The following PRKAR1B variants were observed in gnomAD, a reference collection of about 807,000 sequenced individuals.
PRKAR1B encodes the protein protein kinase cAMP-dependent type I regulatory subunit beta.
A neutral mutation model predicts 46.5 loss-of-function variants in PRKAR1B; 22 were observed. That is an observed-to-expected ratio of 0.47 (90% confidence interval 0.34 to 0.68). The LOEUF (loss-of-function observed/expected upper bound fraction) is 0.68, where lower values mean the gene tolerates loss of function less well. PRKAR1B is among the 30% of genes least tolerant of loss of function. PRKAR1B has a pLI of 0.01. For missense variants in PRKAR1B, 445 were observed against 535.6 expected, an observed-to-expected ratio of 0.83 and a Z score of 1.67; for synonymous variants, 259 against 217.7, an observed-to-expected ratio of 1.19 and a Z score of -1.67.
At chr7:607,134 G>A (rs1049456418) in intron 5 of PRKAR1B, among the ~76,000 whole-genome samples, 3 of 151,892 alleles carry the variant, frequency 2.0e-5, no homozygotes, top group African/African-American at 7.3e-5. Flanking sequence ...CTCTGGAGCA[G>A]CTGGGATTAC....
chr7:632,567 C>T (rs986972319), intron 4 of PRKAR1B, among the ~76,000 whole-genome samples: 1 of 152,218 alleles, frequency 6.6e-6, no homozygotes. Context: ...TCCCTTGTTC[C>T]GAGCACACTG....
chr7:554,458 G>A (rs149920448), intron 9 of PRKAR1B, among the ~76,000 whole-genome samples: 6 of 152,352 alleles, frequency 3.9e-5, no homozygotes, highest in East Asian at 3.9e-4. Context: ...TGAACCTGAC[G>A]GCCTCTGGTT....
At chr7:628,602 A>C (rs77941363) in intron 4 of PRKAR1B, among the ~76,000 whole-genome samples, 1 of 152,284 alleles carries the variant, frequency 6.6e-6, no homozygotes, top group East Asian at 1.9e-4. Context: ...CAGGAAAACC[A>C]CACAGCTGGG....
At chr7:695,272 G>A (rs1450629063) in intron 2 of PRKAR1B, among the ~76,000 whole-genome samples, 2 of 152,158 alleles carry the variant, frequency 1.3e-5, no homozygotes, top group African/African-American at 4.8e-5. Context: ...GCCAACCGCA[G>A]CCCAGAATGT....
At chr7:691,855 A>G in intron 2 of PRKAR1B, 1 of 1,163,530 alleles carries the variant, frequency 8.6e-7, no homozygotes, top group Non-Finnish European at 1.1e-6. Flanking sequence ...TCCGGTCACC[A>G]TGACAACGGG....
intron 7 of PRKAR1B, among the ~76,000 whole-genome samples, chr7:592,892 C>T (rs1460816744): frequency 1.3e-5 from 2 of 151,962 alleles, no homozygotes; most frequent in East Asian, 1.9e-4. Context: ...TTTAATTAGT[C>T]AGGCGCGGTA....
At chr7:656,553 GGAAT>G (rs981264097) in intron 4 of PRKAR1B, among the ~76,000 whole-genome samples, 2 of 151,580 alleles carry the variant, frequency 1.3e-5, no homozygotes, top group African/African-American at 2.4e-5. Context: ...GATGAGTGAG[GGAAT>G]GGATGGATGG....
intron 3 of PRKAR1B, among the ~76,000 whole-genome samples, chr7:679,032 G>A (rs1428139639): frequency 6.6e-6 from 1 of 152,230 alleles, no homozygotes; most frequent in Non-Finnish European, 1.5e-5. Flanking sequence ...AGGTTGTGGT[G>A]AGCTGAGATC....
chr7:683,260 G>A (rs150374835), intron 2 of PRKAR1B, among the ~76,000 whole-genome samples: 16 of 152,284 alleles, frequency 1.1e-4, no homozygotes, highest in African/African-American at 2.2e-4. Context: ...TGCCAAGGCC[G>A]GGGTGCCACC....
chr7:640,765 AACACACACACACAC>A (rs71546454), intron 4 of PRKAR1B, among the ~76,000 whole-genome samples: 1 of 108,086 alleles, frequency 9.3e-6, no homozygotes, highest in Admixed American at 9.6e-5. Flanking sequence ...CTCTGTCTCA[AACACACACACACAC>A]ACACACACAC....
At chr7:625,949 A>G (rs1187919890) in intron 4 of PRKAR1B, among the ~76,000 whole-genome samples, 2 of 149,642 alleles carry the variant, frequency 1.3e-5, no homozygotes, top group Admixed American at 1.3e-4. Flanking sequence ...CAGAGGTTGC[A>G]GTGAGCCGAG....
intron 9 of PRKAR1B, among the ~76,000 whole-genome samples, chr7:555,634 G>C (rs1778380640): frequency 6.6e-6 from 1 of 152,162 alleles, no homozygotes; most frequent in African/African-American, 2.4e-5. Flanking sequence ...CTGCACCCCA[G>C]ACCTTCACAT....
intron 5 of PRKAR1B, among the ~76,000 whole-genome samples, chr7:606,953 T>C (rs766913077): frequency 1.3e-5 from 2 of 152,198 alleles, no homozygotes; most frequent in Non-Finnish European, 2.9e-5. Context: ...CGTGCATATA[T>C]ATGTAGACAT....
chr7:688,368 C>T (rs896046794), intron 2 of PRKAR1B, among the ~76,000 whole-genome samples: 9 of 151,230 alleles, frequency 6.0e-5, no homozygotes, highest in African/African-American at 2.2e-4. Context: ...TGTGCCACTG[C>T]ACTCCAGCCT....
Position 714,963 on chromosome 7 carries a change from G to C in PRKAR1B, c.-22-3436C>G, listed in dbSNP as rs149722734. On this transcript the variant is annotated intron_variant, in intron 1 of 10. Coordinates refer to ENST00000537384, the MANE Select transcript of PRKAR1B (RefSeq NM_001164760.2). This position sits in a 1 kb window ranked among gnomAD's most constrained non-coding sequence, Gnocchi z 4.3. ...CACTTTGGGAGGCCGAGGCAGGTGG[G>C]TCACTGGAGGTCAGGAGTTCAAGAC... 7.9e-5 allele frequency among the ~76,000 whole-genome samples: 12 copies of C among 152,074 alleles called. No homozygotes were observed. The highest frequency in any genetic ancestry group is 2.9e-4 in the African/African-American group (12 of 41,392).
chr7:635,285 C>T lies in PRKAR1B; in HGVS notation c.441-27833G>A, dbSNP rs79889158. On this transcript the variant is annotated intron_variant, in intron 4 of 10. Transcript: ENST00000537384. ...GCCCCAAGGCCCAGCCCTCCCCTGG[C>T]AGCTTCCACATCTCAGGACCAGACT... Among the ~76,000 whole-genome samples the T allele has an allele frequency of 6.6e-3, 1,006 of 152,348 alleles. 11 individuals carry two copies. The highest frequency in any genetic ancestry group is 0.023 in the African/African-American group (956 of 41,582).
intron 9 of PRKAR1B, among the ~76,000 whole-genome samples, chr7:554,205 C>T (rs1325420285): frequency 2.0e-5 from 3 of 152,246 alleles, no homozygotes; most frequent in Non-Finnish European, 4.4e-5. Flanking sequence ...TAGGTGAGAA[C>T]TCTGCTTCCT....
chr7:649,449 C>G (rs940699746), intron 4 of PRKAR1B, among the ~76,000 whole-genome samples: 2 of 152,062 alleles, frequency 1.3e-5, no homozygotes, highest in East Asian at 3.8e-4. Context: ...GTTAACTAAA[C>G]GTTTATACAT....
At position 579,274 on chromosome 7, in the gene PRKAR1B, G is replaced by T. The variant is rs1445954537; in HGVS notation, c.873C>A (p.Asp291Glu). 3 of 1,614,150 alleles carry T rather than the reference G, an allele frequency of 1.9e-6. No individual in the cohort carries two copies. Among genetic ancestry groups the T allele is most frequent in the Middle Eastern group, 1.6e-4 (1 of 6,062 alleles). Residue 291 changes from aspartate to glutamate, a missense_variant, in exon 9 of 11, where the codon GAC becomes GAA. Asp to Glu is a conservative substitution (Grantham distance 45). Transcript: ENST00000537384. Reference protein sequence around the residue: ...KIVVQGEPGDDFYIITEGTAS... With the variant: ...KIVVQGEPGDEFYIITEGTAS... ...GTCTCACCTCCGTGATGATGTAAAA[G>T]TCGTCCCCAGGCTCTCCCTGGACCA...
Sources: gnomAD v4.1 joint callset for allele counts (sites outside exome capture counted in the v4.1 genomes callset) on GRCh38, gnomAD v4.1.1 for gene constraint, Gnocchi (gnomAD v3.1) non-coding constraint, MANE v1.5 for transcripts, NCBI Gene and HGNC (gene_info 2026-07-23, HGNC 2026-07-21) for gene names.